Variants in GP2 observed in about 807,000 individuals in gnomAD.
GP2 encodes the protein glycoprotein 2.
GP2 carries 58 observed loss-of-function variants against 60.8 expected under a neutral mutation model. That is an observed-to-expected ratio of 0.95 (90% CI 0.77 to 1.19). GP2 has a LOEUF of 1.19. GP2 is among the 50% of genes most tolerant of loss of function. The pLI is 0.00. For synonymous variants in GP2, 280 were observed against 253.4 expected, an observed-to-expected ratio of 1.10 and a Z score of -1.00; for missense variants, 647 against 667.4, an observed-to-expected ratio of 0.97 and a Z score of 0.34.
Position 20,310,940 on chromosome 16 carries a change from A to G in GP2, c.*283T>C, listed in dbSNP as rs576966754. 2.1e-5 allele frequency: 5 copies of G among 240,786 alleles called. No homozygotes were observed. In the South Asian group the frequency reaches 2.9e-4, roughly 14 times the overall value. The allele number at this position is 240,786 out of a possible 1,614,324, so 14.9% of individuals were successfully genotyped here. A position where few individuals can be genotyped will look rare whatever the true frequency, so the allele number is the denominator to read the frequency against. On this transcript the variant is annotated 3_prime_UTR_variant, in exon 11 of 11. Transcript: ENST00000302555. ...CCTGGCTAATTTTTGTATTTTTAGT[A>G]GAGACGGAGTTTCAGCATTTTGGCC...
chr16:20,324,153 G>A lies in GP2; in HGVS notation c.198C>T (p.Tyr66=), dbSNP rs1964460314. 5 of 1,613,904 alleles carry A rather than the reference G, an allele frequency of 3.1e-6. No individual in the cohort carries two copies. The highest frequency in any genetic ancestry group is 4.2e-6 in the Non-Finnish European group (5 of 1,179,736). ...TTCGGAAGGGTTCATCCAGGAGGGT[G>A]TAATTCTGACAGGGGTCAAAACAGA... ...AHVCFDPCQN[Y]TLLDEPFRST... is the part of the protein sequence containing the mutation. Residue 66 remains tyrosine (Y), a synonymous_variant, in exon 3 of 11, where the codon TAC becomes TAT. Transcript: ENST00000302555.
chr16:20,323,451 G>A (rs367732700), intron 3 of GP2: 1 of 713,528 alleles, frequency 1.4e-6, no homozygotes, highest in African/African-American at 1.8e-5. Context: ...CAAGGACATT[G>A]TGAGCATTAT....
chr16:20,321,247 AG>A (rs1964349377), intron 4 of GP2, among the ~76,000 whole-genome samples: 1 of 151,988 alleles, frequency 6.6e-6, no homozygotes, highest in Non-Finnish European at 1.5e-5. Context: ...ATTTTTATAA[AG>A]ATGGGGTTTT....
At chr16:20,312,956 G>A (rs192198709) in intron 10 of GP2, among the ~76,000 whole-genome samples, 2 of 152,196 alleles carry the variant, frequency 1.3e-5, no homozygotes, top group Admixed American at 6.5e-5. Context: ...GGCCTAAGCT[G>A]CTTTTAGAAT....
chr16:20,311,078 AG>A lies in GP2; in HGVS notation c.*144del. On this transcript the variant is annotated 3_prime_UTR_variant, in exon 11 of 11. Transcript: ENST00000302555. ...AGCCGAGAGTTTTAAAGAAGGTGAA[AG>A]CTCTTCCCTTTTCCTAACCTAGCTT... The A allele has an allele frequency of 1.7e-6, 1 of 590,024 alleles. No homozygotes were observed. Among genetic ancestry groups the A allele is most frequent in the East Asian group, 3.0e-5 (1 of 33,208 alleles). The allele number at this position is 590,024 out of a possible 1,614,324, so 36.5% of individuals were successfully genotyped here.
In GP2 at chr16:20,322,909, G is replaced by A; in HGVS notation, c.606C>T (p.Ser202=). 6.2e-7 allele frequency: 1 copy of A among 1,611,950 alleles called. No homozygotes were observed. Reference sequence around the variant, plus strand: ...CCTGTCTGCAGAAACAGCCCCAGGTGCTGTTGAGGGCAAGGCACTCCTCCT... The same window carrying A: ...CCTGTCTGCAGAAACAGCCCCAGGTACTGTTGAGGGCAAGGCACTCCTCCT... ...RPEEECLALN[S]TWGCFCRQDL... The change falls in exon 4 of 11, where the codon AGC becomes AGT. Residue 202 remains serine, a synonymous_variant. Transcript: ENST00000302555.
At chr16:20,319,482 T>C (rs1596523352) in intron 6 of GP2, 138 bp downstream of exon 6, 2 of 652,674 alleles carry the variant, frequency 3.1e-6, no homozygotes, top group East Asian at 5.0e-5. Context: ...TGAATACTTG[T>C]GGAATGAATG....
At chr16:20,318,509 C>G in intron 6 of GP2, 79 bp from the exon 7 acceptor site, 1 of 1,335,238 alleles carries the variant, frequency 7.5e-7, no homozygotes, top group Non-Finnish European at 1.1e-6. Flanking sequence ...AACACACTTA[C>G]GAAGGCAAGG....
At chr16:20,315,234 A>G (rs1422841788) in intron 9 of GP2, among the ~76,000 whole-genome samples, 2 of 152,220 alleles carry the variant, frequency 1.3e-5, no homozygotes, top group African/African-American at 4.8e-5. Context: ...GTGATCATGC[A>G]TATAAAGGCA....
chr16:20,327,418 A>G (rs563414005), intron 1 of GP2, 49 bp downstream of exon 1: 1 of 1,227,138 alleles, frequency 8.1e-7, no homozygotes, highest in East Asian at 5.7e-5. Context: ...GTGGATCAAG[A>G]TTTCCCAGGA....
intron 3 of GP2, chr16:20,323,271 G>A (rs747520687): frequency 1.0e-5 from 7 of 686,582 alleles, no homozygotes; most frequent in Non-Finnish European, 1.9e-5. Flanking sequence ...GGATGCTGGA[G>A]CTAGAATGCC....
At chr16:20,322,848 C>T in intron 4 of GP2, 21 bp downstream of exon 4, 1 of 1,329,000 alleles carries the variant, frequency 7.5e-7, no homozygotes, top group Non-Finnish European at 1.1e-6. Flanking sequence ...ATGGTAGTTA[C>T]TTGCCCAGTG....
At chr16:20,318,883 G>A (rs768823402) in intron 6 of GP2, among the ~76,000 whole-genome samples, 9 of 152,138 alleles carry the variant, frequency 5.9e-5, no homozygotes, top group African/African-American at 1.4e-4. Flanking sequence ...CACTGAATTA[G>A]AAAATGTCTA....
intron 10 of GP2, 105 bp from the exon 11 acceptor site, chr16:20,311,386 G>A (rs1251837928): frequency 1.3e-6 from 1 of 743,926 alleles, no homozygotes; most frequent in Non-Finnish European, 2.5e-6. Context: ...GAAAGGCAAA[G>A]CATCTTTGAT....
In GP2 at chr16:20,323,757, G is replaced by A. The variant is rs115797022; in HGVS notation, c.535+59C>T. ...CTTGACTTGCTCCACTCACTCTACT[G>A]AGCCTGGGAGGCATCTCATTGGCTG... is the stretch of plus-strand genomic sequence containing the variant. On this transcript the variant is annotated intron_variant, in intron 3 of 10. Transcript: ENST00000302555. The A allele has an allele frequency of 9.4e-4, 1,070 of 1,138,846 alleles. 6 individuals carry two copies. The African/African-American group carries it at 0.015, about 16-fold the overall frequency. 70.5% of individuals were successfully genotyped at this position (1,138,846 alleles called of 1,614,324 possible). A position where few individuals can be genotyped will look rare whatever the true frequency, so the allele number is the denominator to read the frequency against.
chr16:20,323,910 GA>G lies in GP2; in HGVS notation c.440del (p.Phe147SerfsTer8). The G allele has an allele frequency of 6.2e-7, 1 of 1,614,036 alleles. No homozygotes were observed. ...ACAHWSGNCCFWKTEVLVKAC... is the reference protein window; with the variant it reads ...ACAHWSGNCCXWKTEVLVKAC... Reference sequence around the variant, plus strand: ...CCTTCACCAGCACCTCTGTTTTCCAGAAACAGCAGTTGCCACTCCAATGGGC... The same window carrying G: ...CCTTCACCAGCACCTCTGTTTTCCAGAACAGCAGTTGCCACTCCAATGGGC... On this transcript the variant is annotated frameshift_variant, in exon 3 of 11. Transcript: ENST00000302555. LOFTEE classifies it high-confidence loss of function.
chr16:20,312,536 C>T (rs1234071326), intron 10 of GP2, among the ~76,000 whole-genome samples: 1 of 152,148 alleles, frequency 6.6e-6, no homozygotes, highest in Non-Finnish European at 1.5e-5. Context: ...AATCTACCAC[C>T]CATTCTAGAA....
At chr16:20,315,309 T>C (rs891083796) in intron 9 of GP2, among the ~76,000 whole-genome samples, 3 of 152,020 alleles carry the variant, frequency 2.0e-5, no homozygotes, top group Admixed American at 6.6e-5. Flanking sequence ...CTTAATTCCT[T>C]TAGGGGAAAA....
At chr16:20,313,815 G>T (rs962307264) in intron 10 of GP2, among the ~76,000 whole-genome samples, 1 of 152,150 alleles carries the variant, frequency 6.6e-6, no homozygotes. Context: ...CTTCTTCCTT[G>T]TTCCCTCCAT....
Sources: gnomAD v4.1 joint callset for allele counts (sites outside exome capture counted in the v4.1 genomes callset) on GRCh38, gnomAD v4.1.1 for gene constraint, MANE v1.5 for transcripts, NCBI Gene and HGNC (gene_info 2026-07-23, HGNC 2026-07-21) for gene names.